ZNF385D: variants seen among roughly 807,000 people sequenced by gnomAD.
The protein encoded by ZNF385D is zinc finger protein 385D.
A neutral mutation model predicts 35.8 loss-of-function variants in ZNF385D; 15 were observed. The observed-to-expected ratio is 0.42, with a 90% CI of 0.28 to 0.64. The LOEUF is 0.64. Ranked by LOEUF, ZNF385D falls within the 30% of genes least tolerant of loss-of-function variation. The pLI, the probability that ZNF385D is intolerant of heterozygous loss-of-function variation, is 0.23. For missense variants in ZNF385D, 474 were observed against 494.6 expected (o/e 0.96, Z 0.39); for synonymous variants, 212 against 186.8 (o/e 1.13, Z -1.10).
chr3:22,231,475 C>A (rs1262846994), intron 2 of ZNF385D, among the ~76,000 whole-genome samples: 11 of 152,194 alleles, frequency 7.2e-5, no homozygotes, highest in African/African-American at 2.7e-4. Flanking sequence ...ACCTGACAAA[C>A]AGCTTCCCAC....
At chr3:21,721,463 T>C (rs1184467926) in intron 1 of ZNF385D, among the ~76,000 whole-genome samples, 5 of 151,794 alleles carry the variant, frequency 3.3e-5, no homozygotes, top group African/African-American at 1.2e-4. Context: ...TAAAAAAGAC[T>C]CCACACAAAC....
chr3:21,752,022 C>T (rs1294692626), upstream of ZNF385D, among the ~76,000 whole-genome samples: 39 of 130,120 alleles, frequency 3.0e-4, no homozygotes, highest in Middle Eastern at 4.3e-3. Context: ...CCTCCCCCCC[C>T]CACCACACAC....
At chr3:22,168,354 A>G (rs1023218166) in intron 3 of ZNF385D, 8 of 152,212 alleles carry the variant, frequency 5.3e-5, no homozygotes, top group African/African-American at 1.9e-4. Context: ...AGGAAACTCA[A>G]AAGTCTGTAC....
At chr3:22,063,076 A>C (rs972669172) in intron 3 of ZNF385D, among the ~76,000 whole-genome samples, 2 of 152,200 alleles carry the variant, frequency 1.3e-5, no homozygotes, top group Non-Finnish European at 2.9e-5. Flanking sequence ...TTTGTTATGC[A>C]GCAATGTGTA....
intron 3 of ZNF385D, among the ~76,000 whole-genome samples, chr3:21,872,589 A>C (rs1377430926): frequency 6.6e-6 from 1 of 152,108 alleles, no homozygotes; most frequent in Non-Finnish European, 1.5e-5. Flanking sequence ...ACTCTTGTAC[A>C]CTTCAATGGT....
chr3:21,744,624 T>C (rs992106238), intron 1 of ZNF385D, among the ~76,000 whole-genome samples: 3 of 152,136 alleles, frequency 2.0e-5, no homozygotes, highest in African/African-American at 7.2e-5. Flanking sequence ...TGAAATTGTA[T>C]CAGGTGAGTT....
intron 2 of ZNF385D, among the ~76,000 whole-genome samples, chr3:22,363,146 G>A (rs1436006605): frequency 1.8e-5 from 2 of 111,446 alleles, no homozygotes; most frequent in African/African-American, 7.0e-5. Flanking sequence ...GGCAGCAGAG[G>A]GCAAGGTCTA....
At chr3:22,034,264 C>T (rs114910619) in intron 3 of ZNF385D, among the ~76,000 whole-genome samples, 208 of 152,256 alleles carry the variant, frequency 1.4e-3, no homozygotes, top group African/African-American at 4.3e-3. Context: ...CAAAAGAGAG[C>T]TGTCCTCCTC....
intron 3 of ZNF385D, among the ~76,000 whole-genome samples, chr3:21,828,814 C>A (rs1032716731): frequency 6.6e-6 from 1 of 152,148 alleles, no homozygotes; most frequent in African/African-American, 2.4e-5. Context: ...TAGGCTTTAG[C>A]GGACAATTAA....
At chr3:21,975,926 A>G (rs180717900) in intron 3 of ZNF385D, among the ~76,000 whole-genome samples, 13 of 152,220 alleles carry the variant, frequency 8.5e-5, no homozygotes, top group Non-Finnish European at 1.8e-4. Flanking sequence ...AGTGTGTTGA[A>G]AAAAGCCAAA....
chr3:21,674,346 C>T (rs1575438895), intron 1 of ZNF385D, among the ~76,000 whole-genome samples: 2 of 152,068 alleles, frequency 1.3e-5, no homozygotes, highest in South Asian at 4.2e-4. Flanking sequence ...ATTATTTTCT[C>T]CACTTTGACT....
rs202084413 is a variant in ZNF385D at position 22,029,313 on chromosome 3, C to CA, written c.325+139503dup. On this transcript the variant is annotated intron_variant, in intron 3 of 5. Coordinates refer to the ZNF385D transcript ENST00000494108. ...GAGTATGCATGGAATATAGGAGATCCATTAGGGCTTCTCATAGTATGACCA... is the reference window on the plus strand; with the variant it reads ...GAGTATGCATGGAATATAGGAGATCCAATTAGGGCTTCTCATAGTATGACCA... Among the ~76,000 whole-genome samples, 1,104 of 152,250 alleles carry CA rather than the reference C, an allele frequency of 7.3e-3. 14 individuals are homozygous for CA. Among genetic ancestry groups the CA allele is most frequent in the African/African-American group, 0.025 (1,036 of 41,554 alleles).
At chr3:22,322,595 T>C (rs1694493020) in intron 2 of ZNF385D, among the ~76,000 whole-genome samples, 1 of 152,216 alleles carries the variant, frequency 6.6e-6, no homozygotes, top group African/African-American at 2.4e-5. Context: ...ATATTTTCAG[T>C]TAAGGGATCT....
intron 3 of ZNF385D, among the ~76,000 whole-genome samples, chr3:21,847,761 C>G (rs1696103165): frequency 6.6e-6 from 1 of 151,984 alleles, no homozygotes; most frequent in Non-Finnish European, 1.5e-5. Flanking sequence ...AGAAAGTTCC[C>G]TCTTATTCCT....
chr3:22,025,526 G>A (rs376593892), intron 3 of ZNF385D, among the ~76,000 whole-genome samples: 16 of 152,282 alleles, frequency 1.1e-4, no homozygotes, highest in Admixed American at 5.9e-4. Flanking sequence ...ACATAGAGTT[G>A]GATCAGGGTG....
At chr3:21,977,256 G>A (rs748890145) in intron 3 of ZNF385D, among the ~76,000 whole-genome samples, 1 of 152,144 alleles carries the variant, frequency 6.6e-6, no homozygotes, top group Non-Finnish European at 1.5e-5. Context: ...TTACTTTGTG[G>A]AAATCCATTG....
chr3:22,064,554 T>G (rs527750231), intron 3 of ZNF385D, among the ~76,000 whole-genome samples: 6 of 152,188 alleles, frequency 3.9e-5, no homozygotes, highest in Non-Finnish European at 7.4e-5. Flanking sequence ...TGTCATCAGA[T>G]GAACAGATAA....
chr3:21,902,489 AC>A (rs1699460813), intron 3 of ZNF385D, among the ~76,000 whole-genome samples: 1 of 152,190 alleles, frequency 6.6e-6, no homozygotes, highest in Admixed American at 6.6e-5. Context: ...AGATCAAGTT[AC>A]ATGACTTTGT....
At chr3:22,183,009 G>A (rs1416907897) in intron 2 of ZNF385D, among the ~76,000 whole-genome samples, 1 of 152,000 alleles carries the variant, frequency 6.6e-6, no homozygotes, top group Non-Finnish European at 1.5e-5. Context: ...AAATTAAATT[G>A]TAAAAAACTG....
Sources: gnomAD v4.1 joint callset for allele counts (sites outside exome capture counted in the v4.1 genomes callset) on GRCh38, gnomAD v4.1.1 for gene constraint, MANE v1.5 for transcripts, NCBI Gene and HGNC (gene_info 2026-07-23, HGNC 2026-07-21) for gene names.